Variants in ABCB5 observed in about 807,000 individuals in gnomAD.
ABCB5 encodes ATP-binding cassette sub-family B member 5.
A neutral mutation model predicts 144.2 loss-of-function variants in ABCB5; 155 were observed. The ratio of observed to expected loss-of-function variants is 1.08; its 90% CI spans 0.94 to 1.23. The LOEUF (loss-of-function observed/expected upper bound fraction) is 1.23. Among genes scored for constraint, ABCB5 ranks in the 50% most tolerant of loss-of-function variants. ABCB5 has a pLI of 0.00. For missense variants in ABCB5, 1,830 were observed against 1,520.8 expected, an observed-to-expected ratio of 1.20 and a Z score of -3.38; for synonymous variants, 610 against 528.6, an observed-to-expected ratio of 1.15 and a Z score of -2.11.
intron 15 of ABCB5, among the ~76,000 whole-genome samples, chr7:20,683,568 T>C (rs1204975847): frequency 6.6e-6 from 1 of 152,166 alleles, no homozygotes. Flanking sequence ...TTAAGTTAAA[T>C]GCTTTCACAA....
intron 5 of ABCB5, among the ~76,000 whole-genome samples, chr7:20,640,523 G>C (rs1784273556): frequency 6.6e-6 from 1 of 152,182 alleles, no homozygotes; most frequent in South Asian, 2.1e-4. Flanking sequence ...CATCAGTTCA[G>C]TGTGATGCTT....
At chr7:20,623,106 A>T (rs2128016653) in intron 1 of ABCB5, among the ~76,000 whole-genome samples, 159 bp from the exon 2 acceptor site, 1 of 152,270 alleles carries the variant, frequency 6.6e-6, no homozygotes, top group Non-Finnish European at 1.5e-5. Flanking sequence ...TGAACTGCCT[A>T]GCCAGAAACT....
chr7:20,715,174 T>C (rs1036731142), intron 20 of ABCB5, among the ~76,000 whole-genome samples: 1 of 151,808 alleles, frequency 6.6e-6, no homozygotes, highest in Admixed American at 6.6e-5. Flanking sequence ...CCTCTTAAGT[T>C]GCTGGATTAC....
chr7:20,662,102 A>G (rs1785021770), intron 14 of ABCB5, among the ~76,000 whole-genome samples: 1 of 152,204 alleles, frequency 6.6e-6, no homozygotes, highest in African/African-American at 2.4e-5. Flanking sequence ...AGCCTGTGAA[A>G]GCTCTGTGAA....
chr7:20,629,145 C>CGTGTGTGTGTGTGTGTGTGTGTGTGT (rs149986314), intron 4 of ABCB5, among the ~76,000 whole-genome samples: 3 of 135,056 alleles, frequency 2.2e-5, no homozygotes, highest in African/African-American at 8.4e-5. Flanking sequence ...AGAGAGACTG[C>CGTGTGTGTGTGTGTGTGTGTGTGTGT]GTGTGTGTGT....
At chr7:20,644,908 A>G (rs1316275888) in intron 7 of ABCB5, among the ~76,000 whole-genome samples, 1 of 152,230 alleles carries the variant, frequency 6.6e-6, no homozygotes, top group African/African-American at 2.4e-5. Flanking sequence ...CAAAATCTTC[A>G]TCCTCAACTT....
At chr7:20,678,847 G>T (rs1785694010) in intron 14 of ABCB5, among the ~76,000 whole-genome samples, 1 of 152,132 alleles carries the variant, frequency 6.6e-6, no homozygotes, top group African/African-American at 2.4e-5. Flanking sequence ...CCTGATTTAT[G>T]GTAAAGGCAG....
At chr7:20,644,188 T>A (rs540656174) in intron 7 of ABCB5, among the ~76,000 whole-genome samples, 1 of 152,044 alleles carries the variant, frequency 6.6e-6, no homozygotes, top group Admixed American at 6.6e-5. Context: ...CAGGCTCAAG[T>A]CATCCTCCCA....
At chr7:20,655,929 G>A (rs1389143709) in intron 13 of ABCB5, among the ~76,000 whole-genome samples, 1 of 152,144 alleles carries the variant, frequency 6.6e-6, no homozygotes, top group Non-Finnish European at 1.5e-5. Flanking sequence ...TCGTGGTAGT[G>A]GCATAATGAT....
intron 20 of ABCB5, among the ~76,000 whole-genome samples, chr7:20,716,357 G>T (rs1232198943): frequency 1.3e-5 from 2 of 152,054 alleles, no homozygotes; most frequent in East Asian, 3.9e-4. Context: ...AAAGAACAAT[G>T]AATATCTTAT....
Position 20,743,064 on chromosome 7 carries a change from A to C in ABCB5, c.3212A>C (p.Gln1071Pro). The change falls in exon 25 of 28, where the codon CAA becomes CCA. Residue 1071 changes from glutamine to proline, a missense_variant. Coordinates refer to ENST00000404938, the MANE Select transcript of ABCB5 (RefSeq NM_001163941.2). The stretch of plus-strand genomic sequence containing the variant: ...CTGCAGAGACTTTATGACCCCGTGC[A>C]AGGACAAGTGGTAAGACAGAACTGA... ...QLLQRLYDPV[Q>P]GQVLFDGVDA... is the part of the protein sequence containing the mutation. 6.2e-7 allele frequency: 1 copy of C among 1,613,980 alleles called. No homozygotes were observed. Among genetic ancestry groups the C allele is most frequent in the African/African-American group, 1.3e-5 (1 of 75,042 alleles).
rs1220263603 is a variant in ABCB5, at chr7:20,668,590, T to TCG, written c.1707+9914_1707+9915insCG. ...GCAGCCACCCCGTCCGGGAGGGAGGTGGGGGGGGGGGTCAGCCCCCCGCCC... is the reference window on the plus strand; with the variant it reads ...GCAGCCACCCCGTCCGGGAGGGAGGTCGGGGGGGGGGGGTCAGCCCCCCGCCC... On this transcript the variant is annotated intron_variant, in intron 14 of 27. Transcript: ENST00000404938. 2.7e-5 allele frequency among the ~76,000 whole-genome samples: 3 copies of TCG among 110,844 alleles called. No homozygotes were observed. The South Asian group carries it at 9.4e-4, about 35-fold the overall frequency. The allele number at this position is 110,844 out of a possible 152,430, so 72.7% of individuals were successfully genotyped here.
At chr7:20,681,693 G>A in intron 15 of ABCB5, 27 bp downstream of exon 15, 1 of 1,604,714 alleles carries the variant, frequency 6.2e-7, no homozygotes, top group Non-Finnish European at 8.5e-7. Context: ...ATAATGCTAT[G>A]TCAGCAGGGT....
intron 14 of ABCB5, among the ~76,000 whole-genome samples, chr7:20,678,639 CAAAAA>C (rs556531321): frequency 1.3e-3 from 134 of 99,814 alleles, no homozygotes; most frequent in African/African-American, 4.7e-3. Flanking sequence ...AAAACAAAAA[CAAAAA>C]AAAACACATT....
intron 14 of ABCB5, among the ~76,000 whole-genome samples, chr7:20,669,155 G>T (rs1339529274): frequency 6.7e-6 from 1 of 149,692 alleles, no homozygotes; most frequent in Non-Finnish European, 1.5e-5. Context: ...GGTGAGGGGC[G>T]CTTCTGCCCG....
At chr7:20,702,693 G>T (rs925116326) in intron 19 of ABCB5, among the ~76,000 whole-genome samples, 1 of 125,580 alleles carries the variant, frequency 8.0e-6, no homozygotes, top group Non-Finnish European at 1.6e-5. Flanking sequence ...ACACAGTCTC[G>T]CTCTGTCGCC....
At chr7:20,722,451 G>A (rs1346541161) in intron 20 of ABCB5, among the ~76,000 whole-genome samples, 3 of 152,138 alleles carry the variant, frequency 2.0e-5, no homozygotes, top group African/African-American at 7.2e-5. Flanking sequence ...ATTTCAGATT[G>A]TCTGTTCCTA....
Position 20,700,104 on chromosome 7 carries a change from G to C in ABCB5, c.2306G>C (p.Arg769Thr). ...GGGGAAATTTTAACGATGAGATTAA[G>C]ACACTTGGCCTTCAAAGCCATGTTA... ...RAGEILTMRL[R>T]HLAFKAMLYQ... Residue 769 changes from arginine (R) to threonine (T), a missense_variant, in exon 19 of 28, where the codon AGA (arginine) becomes ACA (threonine). Transcript: ENST00000404938. The C allele has an allele frequency of 6.2e-7, 1 of 1,613,372 alleles. No homozygotes were observed. Among genetic ancestry groups the C allele is most frequent in the Non-Finnish European group, 8.5e-7 (1 of 1,179,676 alleles).
intron 5 of ABCB5, among the ~76,000 whole-genome samples, chr7:20,637,672 G>A (rs1301831419): frequency 3.3e-5 from 5 of 151,998 alleles, no homozygotes; most frequent in African/African-American, 7.3e-5. Context: ...TGCCCACCTC[G>A]GACTCCCAAA....
Sources: gnomAD v4.1 joint callset for allele counts (sites outside exome capture counted in the v4.1 genomes callset) on GRCh38, gnomAD v4.1.1 for gene constraint, MANE v1.5 for transcripts, NCBI Gene and HGNC (gene_info 2026-07-23, HGNC 2026-07-21) for gene names.